DNAH14: variants seen among roughly 807,000 people sequenced by gnomAD.
DNAH14 encodes dynein axonemal heavy chain 14, also known as axonemal beta dynein heavy chain 14.
A neutral mutation model predicts 520.9 loss-of-function variants in DNAH14; 478 were observed. That is an observed-to-expected ratio of 0.92 (90% confidence interval 0.85 to 0.99). DNAH14 has a LOEUF of 0.99. Ranked by LOEUF, DNAH14 falls within the 50% of genes least tolerant of loss-of-function variation. The pLI is 0.00. For synonymous variants in DNAH14, 1,581 were observed against 1,757.2 expected (o/e 0.90, Z 2.51); for missense variants, 4,831 against 5,234.5 (o/e 0.92, Z 2.38).
chr1:225,080,768 A>C lies in DNAH14; in HGVS notation c.3136+20A>C. 6.7e-7 allele frequency: 1 copy of C among 1,488,292 alleles called. No individual in the cohort carries two copies. Among genetic ancestry groups the C allele is most frequent in the East Asian group, 2.5e-5 (1 of 40,584 alleles). The allele number at this position is 1,488,292 out of a possible 1,614,324, so 92.2% of individuals were successfully genotyped here. A position where few individuals can be genotyped will look rare whatever the true frequency, so the allele number is the denominator to read the frequency against. Reference sequence around the variant, plus strand: ...AAAAAGGTAAAAATGTGTTTCTCAAATTTTCCCACCTAGGTCTATATACCA... The same window carrying C: ...AAAAAGGTAAAAATGTGTTTCTCAACTTTTCCCACCTAGGTCTATATACCA... On this transcript the variant is annotated intron_variant, in intron 19 of 85. Coordinates refer to ENST00000682510, the MANE Select transcript of DNAH14 (RefSeq NM_001367479.1).
At chr1:225,024,057 A>G in intron 11 of DNAH14, 192 bp downstream of exon 11, 1 of 1,216,174 alleles carries the variant, frequency 8.2e-7, no homozygotes, top group Non-Finnish European at 1.0e-6. Context: ...GTGCTATAGG[A>G]TGCGCAGTAA....
chr1:225,095,329 T>G (rs1217692422), intron 21 of DNAH14, among the ~76,000 whole-genome samples: 1 of 152,088 alleles, frequency 6.6e-6, no homozygotes, highest in Non-Finnish European at 1.5e-5. Flanking sequence ...AAAAGAAGAA[T>G]GAGATCATGT....
chr1:225,190,058 A>G (rs926868296), intron 37 of DNAH14, among the ~76,000 whole-genome samples: 2 of 151,856 alleles, frequency 1.3e-5, no homozygotes, highest in South Asian at 2.1e-4. Flanking sequence ...CTCAGCTTGT[A>G]TCTCCCCTTA....
At chr1:225,188,520 G>A (rs569303828) in intron 37 of DNAH14, among the ~76,000 whole-genome samples, 2 of 151,976 alleles carry the variant, frequency 1.3e-5, no homozygotes, top group East Asian at 3.9e-4. Flanking sequence ...TATATAAAGG[G>A]TTCTGTAATA....
At chr1:224,994,397 T>C (rs764616213) in intron 8 of DNAH14, among the ~76,000 whole-genome samples, 2 of 152,092 alleles carry the variant, frequency 1.3e-5, no homozygotes, top group African/African-American at 2.4e-5. Flanking sequence ...ATCATCTTGA[T>C]GAGTTGACCC....
intron 11 of DNAH14, among the ~76,000 whole-genome samples, chr1:225,033,063 C>A (rs111346406): frequency 0.042 from 6,336 of 152,204 alleles, 215 homozygotes; most frequent in Non-Finnish European, 0.061. Flanking sequence ...TTTTCCTGTG[C>A]AGAAGCTCTT....
chr1:225,235,330 C>T (rs144566613), intron 42 of DNAH14, among the ~76,000 whole-genome samples: 175 of 152,200 alleles, frequency 1.1e-3, no homozygotes, highest in African/African-American at 3.8e-3. Flanking sequence ...TCTGTTTATG[C>T]GATGAATTAC....
chr1:225,020,368 G>A (rs1015408094), intron 10 of DNAH14, among the ~76,000 whole-genome samples: 1 of 151,688 alleles, frequency 6.6e-6, no homozygotes, highest in African/African-American at 2.4e-5. Flanking sequence ...GTGGTGGCAT[G>A]TGTCTGTAGT....
At chr1:225,059,702 G>C (rs1322482294) in intron 17 of DNAH14, among the ~76,000 whole-genome samples, 1 of 152,078 alleles carries the variant, frequency 6.6e-6, no homozygotes, top group Non-Finnish European at 1.5e-5. Flanking sequence ...TCCTTCAGGA[G>C]CTCTTTTAGG....
intron 31 of DNAH14, among the ~76,000 whole-genome samples, chr1:225,150,947 T>A (rs1336416816): frequency 1.3e-5 from 2 of 151,976 alleles, no homozygotes; most frequent in Non-Finnish European, 2.9e-5. Context: ...TTGACCTCAG[T>A]GTGATCTGCC....
chr1:225,311,381 T>A (rs1303376631), intron 60 of DNAH14, among the ~76,000 whole-genome samples: 12 of 152,222 alleles, frequency 7.9e-5, no homozygotes, highest in African/African-American at 2.9e-4. Flanking sequence ...TGCAAAAATT[T>A]TCTCCCATTC....
intron 28 of DNAH14, among the ~76,000 whole-genome samples, chr1:225,143,459 A>G (rs1233932256): frequency 6.6e-6 from 1 of 152,044 alleles, no homozygotes; most frequent in East Asian, 1.9e-4. Flanking sequence ...AGATTTCTTT[A>G]TAATATTCCC....
intron 84 of DNAH14, among the ~76,000 whole-genome samples, chr1:225,392,747 C>T (rs1486549148): frequency 6.6e-6 from 1 of 152,214 alleles, no homozygotes; most frequent in African/African-American, 2.4e-5. Flanking sequence ...CTGAGGTCAG[C>T]ATCAAAAGGT....
At chr1:225,247,428 G>T (rs767244218) in intron 43 of DNAH14, among the ~76,000 whole-genome samples, 1 of 152,090 alleles carries the variant, frequency 6.6e-6, no homozygotes, top group South Asian at 2.1e-4. Context: ...AATTCAATAG[G>T]ATAAACTCCA....
rs530281995 is a variant in DNAH14 at position 225,335,875 on chromosome 1, A to ATGTACATATATGTACATACACATATG, written c.10081-1390_10081-1389insGTACATATATGTACATACACATATGT. ...TATGTACATATATGTACATACACAT[A>ATGTACATATATGTACATACACATATG]TACATATATGTACATATACATACAT... On this transcript the variant is annotated intron_variant, in intron 66 of 85. Transcript: ENST00000682510. Among the ~76,000 whole-genome samples, 30 of 28,038 alleles carry ATGTACATATATGTACATACACATATG rather than the reference A, an allele frequency of 1.1e-3. 3 individuals are homozygous for ATGTACATATATGTACATACACATATG. The highest frequency in any genetic ancestry group is 1.7e-3 in the Non-Finnish European group (25 of 14,406). 18.4% of individuals were successfully genotyped at this position (28,038 alleles called of 152,430 possible). A position where few individuals can be genotyped will look rare whatever the true frequency, so the allele number is the denominator to read the frequency against.
At chr1:225,263,689 A>G (rs1226660520) in intron 46 of DNAH14, among the ~76,000 whole-genome samples, 2 of 152,142 alleles carry the variant, frequency 1.3e-5, no homozygotes, top group African/African-American at 4.8e-5. Context: ...GAAATATTTA[A>G]TACAATGAAA....
intron 77 of DNAH14, among the ~76,000 whole-genome samples, chr1:225,373,400 G>A (rs1417564542): frequency 6.6e-6 from 1 of 151,954 alleles, no homozygotes; most frequent in Non-Finnish European, 1.5e-5. Flanking sequence ...GGGAGGTGGA[G>A]GTTGCAGTGA....
intron 10 of DNAH14, among the ~76,000 whole-genome samples, chr1:225,021,515 C>G (rs2065691472): frequency 1.3e-5 from 2 of 151,982 alleles, no homozygotes; most frequent in South Asian, 2.1e-4. Flanking sequence ...AACTGAGAGC[C>G]AAATCAATGC....
At chr1:225,111,182 T>A (rs2076448814) in intron 23 of DNAH14, among the ~76,000 whole-genome samples, 2 of 152,154 alleles carry the variant, frequency 1.3e-5, no homozygotes, top group African/African-American at 2.4e-5. Flanking sequence ...TGATTTTCTG[T>A]CTGGATGATC....
Sources: gnomAD v4.1 joint callset for allele counts (sites outside exome capture counted in the v4.1 genomes callset) on GRCh38, gnomAD v4.1.1 for gene constraint, MANE v1.5 for transcripts, NCBI Gene and HGNC (gene_info 2026-07-23, HGNC 2026-07-21) for gene names.